HECW1: variants seen among roughly 807,000 people sequenced by gnomAD.
HECW1 encodes the protein HECT, C2 and WW domain containing E3 ubiquitin protein ligase 1.
Under a neutral mutation model 182.3 loss-of-function variants are expected in HECW1, and 61 were observed. The ratio of observed to expected loss-of-function variants is 0.33; its 90% CI spans 0.27 to 0.41. The LOEUF is 0.41. HECW1 is among the 10% of genes least tolerant of loss of function. HECW1 has a pLI of 1.00. For missense variants in HECW1, 1,739 were observed against 2,108.9 expected, an observed-to-expected ratio of 0.82 and a Z score of 3.44; for synonymous variants, 859 against 832.6, an observed-to-expected ratio of 1.03 and a Z score of -0.55.
At chr7:43,310,363 C>T (rs980654277) in intron 3 of HECW1, among the ~76,000 whole-genome samples, 2 of 152,174 alleles carry the variant, frequency 1.3e-5, no homozygotes, top group Non-Finnish European at 2.9e-5. Flanking sequence ...CCAGGCAACA[C>T]CATGGTCCAT....
intron 24 of HECW1, among the ~76,000 whole-genome samples, chr7:43,527,732 A>G (rs535899882): frequency 6.6e-6 from 1 of 152,330 alleles, no homozygotes; most frequent in Non-Finnish European, 1.5e-5. Flanking sequence ...ATGCAGTATT[A>G]TGTTTCACTC....
At chr7:43,274,471 C>A in intron 3 of HECW1, 1 of 623,240 alleles carries the variant, frequency 1.6e-6, no homozygotes. Flanking sequence ...CACCATGGGC[C>A]GGCACCGCAC....
intron 4 of HECW1, among the ~76,000 whole-genome samples, chr7:43,313,793 A>C (rs952998195): frequency 6.6e-6 from 1 of 152,168 alleles, no homozygotes; most frequent in Non-Finnish European, 1.5e-5. Flanking sequence ...GGTTCTAATC[A>C]GCTGGAGTTA....
chr7:43,388,747 C>T (rs113205211), intron 6 of HECW1, among the ~76,000 whole-genome samples: 4,069 of 152,254 alleles, frequency 0.027, 152 homozygotes, highest in African/African-American at 0.085. Flanking sequence ...CTCAGCCCCT[C>T]GAGTAGCTGG....
At position 43,353,505 on chromosome 7, in the gene HECW1, C is replaced by A. The variant is rs539454189; in HGVS notation, c.461-7381C>A. ...AAAATTTAAAACAATTGTATGGCAC[C>A]AAGATGATCACCAGCAATATCCCAG... On this transcript the variant is annotated intron_variant, in intron 5 of 29. Transcript: ENST00000395891. Among the ~76,000 whole-genome samples the A allele has an allele frequency of 6.6e-5, 10 of 152,034 alleles. No homozygotes were observed. The East Asian group carries it at 1.5e-3, about 24-fold the overall frequency.
chr7:43,438,321 TAAAC>T (rs1332646351), intron 9 of HECW1, 176 bp downstream of exon 9: 1 of 523,000 alleles, frequency 1.9e-6, no homozygotes, highest in Non-Finnish European at 3.3e-6. Context: ...TTTGTTATAT[TAAAC>T]AAACCCATCC....
chr7:43,175,130 G>A (rs1001208374), intron 2 of HECW1, among the ~76,000 whole-genome samples: 1 of 151,116 alleles, frequency 6.6e-6, no homozygotes, highest in Admixed American at 6.6e-5. Flanking sequence ...ATAAGTTTTT[G>A]TTGGATTTCA....
At chr7:43,391,338 CCAGTT>C (rs2075022310) in intron 6 of HECW1, among the ~76,000 whole-genome samples, 1 of 152,164 alleles carries the variant, frequency 6.6e-6, no homozygotes, top group Non-Finnish European at 1.5e-5. Context: ...CTCTTCCTCC[CCAGTT>C]CATCTGTATC....
chr7:43,506,530 T>G (rs2079582463), intron 21 of HECW1, among the ~76,000 whole-genome samples: 2 of 152,308 alleles, frequency 1.3e-5, no homozygotes, highest in African/African-American at 4.8e-5. Context: ...TAAAAGTCAC[T>G]GAGAGAGTGA....
At chr7:43,329,065 G>T (rs914222683) in intron 5 of HECW1, among the ~76,000 whole-genome samples, 1 of 152,084 alleles carries the variant, frequency 6.6e-6, no homozygotes, top group African/African-American at 2.4e-5. Flanking sequence ...TTTGTGCTTT[G>T]TGTGAAATAG....
chr7:43,502,302 T>C (rs1313365864), intron 21 of HECW1, among the ~76,000 whole-genome samples: 3 of 152,194 alleles, frequency 2.0e-5, no homozygotes, highest in Non-Finnish European at 4.4e-5. Context: ...GGTACAAAAA[T>C]TCTTTGCAGG....
intron 2 of HECW1, among the ~76,000 whole-genome samples, chr7:43,127,295 G>A (rs1212980378): frequency 1.3e-5 from 2 of 152,088 alleles, no homozygotes; most frequent in African/African-American, 2.4e-5. Context: ...AGGCCGAGGC[G>A]GATAGATCAC....
intron 8 of HECW1, among the ~76,000 whole-genome samples, chr7:43,415,431 AC>A (rs2075959623): frequency 6.7e-6 from 1 of 148,858 alleles, no homozygotes; most frequent in African/African-American, 2.5e-5. Context: ...TTTGAGGGTA[AC>A]CCGACCTTTC....
At chr7:43,321,742 A>G (rs1810139768) in intron 5 of HECW1, among the ~76,000 whole-genome samples, 1 of 152,244 alleles carries the variant, frequency 6.6e-6, no homozygotes, top group Non-Finnish European at 1.5e-5. Context: ...GGTCCAGGAA[A>G]AACTATATCC....
chr7:43,491,548 A>G (rs2078934124), intron 17 of HECW1, among the ~76,000 whole-genome samples: 1 of 152,202 alleles, frequency 6.6e-6, no homozygotes, highest in South Asian at 2.1e-4. Flanking sequence ...ATGATGAGAA[A>G]TGTTTCTTGG....
At chr7:43,210,556 G>A (rs112862656) in intron 2 of HECW1, among the ~76,000 whole-genome samples, 2 of 152,060 alleles carry the variant, frequency 1.3e-5, no homozygotes, top group African/African-American at 4.8e-5. Context: ...CAAGCCTCGT[G>A]TTCGCTAACC....
At chr7:43,506,648 T>C (rs1055207586) in intron 21 of HECW1, among the ~76,000 whole-genome samples, 22 of 152,158 alleles carry the variant, frequency 1.4e-4, no homozygotes, top group Admixed American at 1.3e-3. Flanking sequence ...CCACAGAAAT[T>C]GATGACCTCA....
chr7:43,352,486 T>G (rs1814590351), intron 5 of HECW1, among the ~76,000 whole-genome samples: 1 of 152,214 alleles, frequency 6.6e-6, no homozygotes, highest in Non-Finnish European at 1.5e-5. Flanking sequence ...AGTGGAAGTT[T>G]ACTTCTGTTA....
intron 5 of HECW1, among the ~76,000 whole-genome samples, chr7:43,327,264 T>G (rs1396011081): frequency 6.6e-6 from 1 of 152,206 alleles, no homozygotes; most frequent in African/African-American, 2.4e-5. Context: ...TGACTCCATA[T>G]ACATATCTGC....
Sources: gnomAD v4.1 joint callset for allele counts (sites outside exome capture counted in the v4.1 genomes callset) on GRCh38, gnomAD v4.1.1 for gene constraint, MANE v1.5 for transcripts, NCBI Gene and HGNC (gene_info 2026-07-23, HGNC 2026-07-21) for gene names.